Variants in PKP2 observed in about 807,000 individuals in gnomAD.
PKP2 encodes the protein plakophilin-2.
In PKP2, 73 loss-of-function variants were observed where a neutral mutation model predicts 83.4. The observed-to-expected ratio is 0.88, with a 90% CI of 0.72 to 1.06. The LOEUF (loss-of-function observed/expected upper bound fraction) is 1.06, where lower values mean the gene tolerates loss of function less well. PKP2 is among the 50% of genes least tolerant of loss of function. The probability of loss-of-function intolerance (pLI) is 0.00; values close to 1 mark genes in which losing one functional copy is unlikely to be tolerated. For synonymous variants in PKP2, 409 were observed against 430.4 expected, an observed-to-expected ratio of 0.95 and a Z score of 0.62; for missense variants, 966 against 1,065.4, an observed-to-expected ratio of 0.91 and a Z score of 1.30.
At chr12:32,860,250 G>A (rs1956786352) in intron 4 of PKP2, among the ~76,000 whole-genome samples, 1 of 152,126 alleles carries the variant, frequency 6.6e-6, no homozygotes, top group African/African-American at 2.4e-5. Flanking sequence ...GAAAAGAGCT[G>A]AACAGAAACA....
At chr12:32,793,282 G>T (rs553428158) in intron 11 of PKP2, among the ~76,000 whole-genome samples, 1 of 152,048 alleles carries the variant, frequency 6.6e-6, no homozygotes, top group African/African-American at 2.4e-5. Context: ...AATTTATACA[G>T]AAAAATCCCT....
chr12:32,800,885 T>C (rs1262633006), intron 10 of PKP2, among the ~76,000 whole-genome samples: 4 of 152,190 alleles, frequency 2.6e-5, no homozygotes, highest in Admixed American at 6.5e-5. Flanking sequence ...AAGTTTCAAG[T>C]TTATTTCTCT....
In PKP2 at chr12:32,878,275, A is replaced by G. The variant is rs751341106; in HGVS notation, c.605T>C (p.Val202Ala). Residue 202 changes from valine to alanine, a missense_variant, in exon 3 of 13, where the codon GTC (valine) becomes GCC (alanine). Val to Ala is a moderately conservative substitution (Grantham distance 64, BLOSUM62 0). Transcript: ENST00000340811. ...PRYARSEIVG[V>A]SRAGTTSRQR... ...CCTGCTTGTGGTGCCAGCACGGCTG[A>G]CCCCCACGATCTCGGAACGAGCATA... 3.7e-6 allele frequency: 6 copies of G among 1,612,436 alleles called. No individual in the cohort carries two copies. In the African/African-American group the frequency reaches 4.0e-5, roughly 11 times the overall value.
intron 10 of PKP2, among the ~76,000 whole-genome samples, chr12:32,797,760 G>C: frequency 6.6e-6 from 1 of 151,778 alleles, no homozygotes; most frequent in East Asian, 2.0e-4. Flanking sequence ...GTTTCACCTT[G>C]TTAGCCAGGA....
chr12:32,888,040 G>A (rs1426097584), intron 1 of PKP2, among the ~76,000 whole-genome samples: 1 of 152,076 alleles, frequency 6.6e-6, no homozygotes, highest in Admixed American at 6.6e-5. Context: ...AAATTAGCTG[G>A]GTGTGGTGGC....
chr12:32,894,171 C>T (rs1957100845), intron 1 of PKP2: 2 of 152,176 alleles, frequency 1.3e-5, no homozygotes, highest in Non-Finnish European at 2.9e-5. Flanking sequence ...AGGTGATCCT[C>T]CCGCCTCGGC....
chr12:32,854,523 C>T (rs1956728181), intron 4 of PKP2, among the ~76,000 whole-genome samples: 1 of 152,170 alleles, frequency 6.6e-6, no homozygotes, highest in South Asian at 2.1e-4. Context: ...TGAATCCTAT[C>T]CACATTAGGA....
At chr12:32,858,123 A>G (rs1342379336) in intron 4 of PKP2, among the ~76,000 whole-genome samples, 10 of 100,724 alleles carry the variant, frequency 9.9e-5, no homozygotes, top group East Asian at 2.2e-4. Context: ...ATATTTATAT[A>G]TATTTTATAT....
At chr12:32,895,465 A>G (rs1300827408) in intron 1 of PKP2, among the ~76,000 whole-genome samples, 1 of 152,230 alleles carries the variant, frequency 6.6e-6, no homozygotes, top group Non-Finnish European at 1.5e-5. Flanking sequence ...CCAATGCCCA[A>G]GTTACTTCAT....
At chr12:32,827,824 C>T (rs73090752) in intron 6 of PKP2, among the ~76,000 whole-genome samples, 250 of 152,246 alleles carry the variant, frequency 1.6e-3, no homozygotes, top group Middle Eastern at 0.01. Flanking sequence ...TAATTTAGTG[C>T]CTGTCGTTTG....
chr12:32,895,849 G>A (rs1404109018), intron 1 of PKP2, among the ~76,000 whole-genome samples: 1 of 152,182 alleles, frequency 6.6e-6, no homozygotes, highest in African/African-American at 2.4e-5. Flanking sequence ...CAGCTAGGCG[G>A]GCACGGCTGT....
chr12:32,814,466 G>A lies in PKP2; in HGVS notation c.2013+6890C>T, dbSNP rs191056372. ...TGTCAGGCTCTGAACATAGTTTCCC[G>A]TTCTCCCTGCTCTCCCTCCCTCCCT... On this transcript the variant is annotated intron_variant, in intron 9 of 12. Transcript: ENST00000340811. Among the ~76,000 whole-genome samples the A allele has an allele frequency of 2.0e-4, 31 of 152,158 alleles. 1 individual carries two copies. In the East Asian group the frequency reaches 5.4e-3, roughly 27 times the overall value.
chr12:32,852,193 G>T (rs1479102969), intron 4 of PKP2, among the ~76,000 whole-genome samples: 1 of 152,128 alleles, frequency 6.6e-6, no homozygotes, highest in Non-Finnish European at 1.5e-5. Context: ...AAATTTTGAG[G>T]AAATAAGTTT....
intron 6 of PKP2, among the ~76,000 whole-genome samples, chr12:32,840,650 T>G (rs1470419096): frequency 6.6e-6 from 1 of 152,194 alleles, no homozygotes; most frequent in East Asian, 1.9e-4. Context: ...ACATAATGCT[T>G]TACACAAAAT....
chr12:32,808,235 T>TCAATGAATGAACAAGTAGAGCCTTG (rs1956244265), intron 9 of PKP2, among the ~76,000 whole-genome samples: 1 of 152,228 alleles, frequency 6.6e-6, no homozygotes, highest in African/African-American at 2.4e-5. Context: ...TTCATTCTTT[T>TCAATGAATGAACAAGTAGAGCCTTG]TTCTCTATTC....
intron 9 of PKP2, among the ~76,000 whole-genome samples, chr12:32,818,101 A>T (rs771029602): frequency 2.0e-5 from 3 of 152,166 alleles, no homozygotes; most frequent in Non-Finnish European, 4.4e-5. Context: ...GGTGCCAAAA[A>T]GGTTGGGGGC....
At position 32,793,278 on chromosome 12, in the gene PKP2, T is replaced by C. The variant is rs117893902; in HGVS notation, c.2358-547A>G. Among the ~76,000 whole-genome samples the C allele has an allele frequency of 8.4e-3, 1,272 of 152,196 alleles. 7 individuals carry two copies. The highest frequency in any genetic ancestry group is 0.042 in the South Asian group (204 of 4,818). Reference sequence around the variant, plus strand: ...TAATAATAAACAAACAAGTAATTTATACAGAAAAATCCCTGATATTTATAA... The same window carrying C: ...TAATAATAAACAAACAAGTAATTTACACAGAAAAATCCCTGATATTTATAA... On this transcript the variant is annotated intron_variant, in intron 11 of 12. Transcript: ENST00000340811.
intron 1 of PKP2, among the ~76,000 whole-genome samples, chr12:32,884,123 C>T (rs1957009174): frequency 6.6e-6 from 1 of 152,166 alleles, no homozygotes; most frequent in African/African-American, 2.4e-5. Flanking sequence ...TCAGGCCCAC[C>T]TTTGTCTCAT....
intron 6 of PKP2, among the ~76,000 whole-genome samples, chr12:32,824,972 T>C (rs1956421722): frequency 6.6e-6 from 1 of 152,152 alleles, no homozygotes; most frequent in African/African-American, 2.4e-5. Flanking sequence ...GTTACTACCT[T>C]CCTTTAGATT....
Sources: allele counts gnomAD v4.1 joint callset (sites outside exome capture counted in the v4.1 genomes callset), GRCh38; gene constraint gnomAD v4.1.1; transcripts MANE v1.5; gene names NCBI Gene and HGNC (gene_info 2026-07-23, HGNC 2026-07-21).